The following DERA variants were observed in gnomAD, a reference collection of about 807,000 sequenced individuals.
DERA encodes the protein deoxyribose-phosphate aldolase, also known as 2-deoxy-D-ribose 5-phosphate aldolase.
DERA carries 15 observed loss-of-function variants against 41.1 expected under a neutral mutation model. That is an observed-to-expected ratio of 0.37 (90% CI 0.24 to 0.56). The LOEUF is 0.56. DERA is among the 20% of genes least tolerant of loss of function. The pLI is 0.81. For synonymous variants in DERA, 139 were observed against 137.4 expected (o/e 1.01, Z -0.08); for missense variants, 396 against 403.4 (o/e 0.98, Z 0.16).
intron 1 of DERA, among the ~76,000 whole-genome samples, chr12:15,930,761 CT>C (rs1171643065): frequency 8.5e-5 from 13 of 152,198 alleles, no homozygotes; most frequent in African/African-American, 3.1e-4. Context: ...GTTAACACCC[CT>C]CATAAGATAT....
intron 1 of DERA, among the ~76,000 whole-genome samples, chr12:15,948,495 A>G (rs1327137165): frequency 6.6e-6 from 1 of 152,248 alleles, no homozygotes; most frequent in African/African-American, 2.4e-5. Flanking sequence ...CGAATCAGCT[A>G]CTGAAGCTTG....
chr12:16,013,074 T>A lies in DERA; in HGVS notation c.638-19468T>A, dbSNP rs1001984724. On this transcript the variant is annotated intron_variant, in intron 6 of 8. Transcript: ENST00000428559. This position sits in a 1 kb window ranked among gnomAD's most constrained non-coding sequence, Gnocchi z 5.8. ...ATCAGTAGAGTCAGTGACTCCCAGT[T>A]GGCATCATTGAGCTGGTCCTAAAAG... 1.3e-5 allele frequency among the ~76,000 whole-genome samples: 2 copies of A among 152,204 alleles called. No homozygotes were observed. Among genetic ancestry groups the A allele is most frequent in the Non-Finnish European group, 1.5e-5 (1 of 68,034 alleles).
At position 16,036,569 on chromosome 12, in the gene DERA, C is replaced by G; in HGVS notation, c.901-121C>G. The G allele has an allele frequency of 1.0e-6, 1 of 1,001,716 alleles. No homozygotes were observed. Among genetic ancestry groups the G allele is most frequent in the East Asian group, 2.7e-5 (1 of 37,118 alleles). 62.1% of individuals were successfully genotyped at this position (1,001,716 alleles called of 1,614,324 possible). ...GGTGGAGATTCTGCTGAAGCACATACTAGTGAGGCTTTCTAATGAAATGTT... is the reference window on the plus strand; with the variant it reads ...GGTGGAGATTCTGCTGAAGCACATAGTAGTGAGGCTTTCTAATGAAATGTT... On this transcript the variant is annotated intron_variant, in intron 8 of 8. Coordinates refer to ENST00000428559, the MANE Select transcript of DERA (RefSeq NM_015954.4). The surrounding 1 kb of genome is among the most constrained non-coding windows in gnomAD (Gnocchi z 4.9).
At chr12:15,942,983 G>C (rs946205022) in intron 1 of DERA, among the ~76,000 whole-genome samples, 18 of 152,226 alleles carry the variant, frequency 1.2e-4, no homozygotes, top group African/African-American at 4.3e-4. Context: ...CTCAGCAGTA[G>C]TTGGACCATA....
chr12:16,029,741 C>A (rs1334119318), intron 6 of DERA, among the ~76,000 whole-genome samples: 1 of 151,948 alleles, frequency 6.6e-6, no homozygotes, highest in Non-Finnish European at 1.5e-5. Flanking sequence ...GTAGCTACTG[C>A]TGGGCTACTG....
chr12:16,013,782 C>T lies in DERA; in HGVS notation c.638-18760C>T, dbSNP rs1165585891. Among the ~76,000 whole-genome samples, 3 of 152,142 alleles carry T rather than the reference C, an allele frequency of 2.0e-5. No individual in the cohort carries two copies. The highest frequency in any genetic ancestry group is 6.5e-5 in the Admixed American group (1 of 15,278). On this transcript the variant is annotated intron_variant, in intron 6 of 8. Coordinates refer to ENST00000428559, the MANE Select transcript of DERA (RefSeq NM_015954.4). This position sits in a 1 kb window ranked among gnomAD's most constrained non-coding sequence, Gnocchi z 5.8. Reference sequence around the variant, plus strand: ...AAGATGTGGGAAAATTTGGAACTTCCTAGAGACTTGTTGAATGGTTTTGAC... The same window carrying T: ...AAGATGTGGGAAAATTTGGAACTTCTTAGAGACTTGTTGAATGGTTTTGAC...
intron 1 of DERA, among the ~76,000 whole-genome samples, chr12:15,920,641 T>C (rs1315749563): frequency 6.6e-6 from 1 of 151,958 alleles, no homozygotes; most frequent in East Asian, 1.9e-4. Flanking sequence ...GAGACCATCC[T>C]GGCCAACATG....
In DERA at chr12:15,913,183, A is replaced by G; in HGVS notation, c.31+1769A>G. On this transcript the variant is annotated intron_variant, in intron 1 of 8. Transcript: ENST00000428559. The surrounding 1 kb of genome is among the most constrained non-coding windows in gnomAD (Gnocchi z 4.5). ...TTATTTATTTGCAGTAATTAGAATCAATCACTTCCATTCATTTGTTGAAAA... is the reference window on the plus strand; with the variant it reads ...TTATTTATTTGCAGTAATTAGAATCGATCACTTCCATTCATTTGTTGAAAA... 6.6e-6 allele frequency among the ~76,000 whole-genome samples: 1 copy of G among 152,236 alleles called. No homozygotes were observed. The highest frequency in any genetic ancestry group is 1.9e-4 in the East Asian group (1 of 5,200).
chr12:15,968,821 C>T (rs901245248), intron 5 of DERA, among the ~76,000 whole-genome samples: 5 of 152,130 alleles, frequency 3.3e-5, no homozygotes, highest in African/African-American at 7.2e-5. Context: ...CCTCCTGCCC[C>T]GATGATGGTC....
rs547328995 is a variant in DERA, at chr12:15,943,062, C to T, written c.32-13874C>T. 2.4e-4 allele frequency among the ~76,000 whole-genome samples: 36 copies of T among 152,208 alleles called. No individual in the cohort carries two copies. The South Asian group carries it at 7.3e-3, about 31-fold the overall frequency. On this transcript the variant is annotated intron_variant, in intron 1 of 8. Coordinates refer to ENST00000428559, the MANE Select transcript of DERA (RefSeq NM_015954.4). This position sits in a 1 kb window ranked among gnomAD's most constrained non-coding sequence, Gnocchi z 4.5. The stretch of plus-strand genomic sequence containing the variant: ...ATAGAGTGGTTGGGGAGAGGGACAG[C>T]GATGTCACCCCTGACAGTGTGTTCT...
rs1181911752 is a variant in DERA, at chr12:15,996,434, G to T, written c.637+13998G>T. ...CCCTTCTTGCTTATTCTGGCTTCTG[G>T]TGTTTGCCAGCAATGCTTGACATAC... On this transcript the variant is annotated intron_variant, in intron 6 of 8. Coordinates refer to ENST00000428559, the MANE Select transcript of DERA (RefSeq NM_015954.4). The surrounding 1 kb of genome is among the most constrained non-coding windows in gnomAD (Gnocchi z 4.7). Among the ~76,000 whole-genome samples, 1 of 151,992 alleles carries T rather than the reference G, an allele frequency of 6.6e-6. No homozygotes were observed. Among genetic ancestry groups the T allele is most frequent in the Non-Finnish European group, 1.5e-5 (1 of 67,998 alleles).
intron 1 of DERA, among the ~76,000 whole-genome samples, chr12:15,914,244 T>C (rs998388937): frequency 6.6e-6 from 1 of 152,190 alleles, no homozygotes; most frequent in Middle Eastern, 3.4e-3. Context: ...TAGCTGGGCA[T>C]AGTGGCGCAT....
At position 15,911,350 on chromosome 12, in the gene DERA, C is replaced by T; in HGVS notation, c.-34C>T. The T allele has an allele frequency of 7.0e-7, 1 of 1,431,384 alleles. No homozygotes were observed. The allele number at this position is 1,431,384 out of a possible 1,614,324, so 88.7% of individuals were successfully genotyped here. ...GCCGGGCGCGGCGCAGAGGCGGGCG[C>T]CTACCAGCCGGCAGCTCCGGAGCTG... On this transcript the variant is annotated 5_prime_UTR_variant, in exon 1 of 9. Transcript: ENST00000428559. This position sits in a 1 kb window ranked among gnomAD's most constrained non-coding sequence, Gnocchi z 4.5.
In DERA at chr12:15,983,461, A is replaced by G. The variant is rs575559813; in HGVS notation, c.637+1025A>G. Among the ~76,000 whole-genome samples the G allele has an allele frequency of 3.9e-5, 6 of 152,060 alleles. No individual in the cohort carries two copies. Among genetic ancestry groups the G allele is most frequent in the Non-Finnish European group, 7.4e-5 (5 of 68,026 alleles). On this transcript the variant is annotated intron_variant, in intron 6 of 8. Coordinates refer to ENST00000428559, the MANE Select transcript of DERA (RefSeq NM_015954.4). This position sits in a 1 kb window ranked among gnomAD's most constrained non-coding sequence, Gnocchi z 6.2. ...TCCTGCCCGGAATGCCTTTTGCCCA[A>G]ATAACTCCACATCTTGGGGTTCAGC...
chr12:16,009,524 C>A lies in DERA; in HGVS notation c.638-23018C>A, dbSNP rs1158048781. ...GACAAACAACCAAATAAACAGATCT[C>A]CAGCATATGTTGACACTGTTCACTG... On this transcript the variant is annotated intron_variant, in intron 6 of 8. Transcript: ENST00000428559. The surrounding 1 kb of genome is among the most constrained non-coding windows in gnomAD (Gnocchi z 5.3). 5.3e-5 allele frequency among the ~76,000 whole-genome samples: 8 copies of A among 152,166 alleles called. No homozygotes were observed. Among genetic ancestry groups the A allele is most frequent in the Admixed American group, 3.9e-4 (6 of 15,276 alleles).
chr12:15,917,510 C>T (rs1479263495), intron 1 of DERA, among the ~76,000 whole-genome samples: 2 of 152,068 alleles, frequency 1.3e-5, no homozygotes, highest in African/African-American at 2.4e-5. Flanking sequence ...TTTTAATTCT[C>T]CCAGGAATCC....
rs1256610252 is a variant in DERA, at chr12:16,019,338, C to T, written c.638-13204C>T. Among the ~76,000 whole-genome samples the T allele has an allele frequency of 1.3e-5, 2 of 152,128 alleles. No homozygotes were observed. The highest frequency in any genetic ancestry group is 4.8e-5 in the African/African-American group (2 of 41,416). ...ATTTTTAATATCTTGTGGTCTCTGA[C>T]TCTCAATTGTCCTTTCTCAACACAT... On this transcript the variant is annotated intron_variant, in intron 6 of 8. Transcript: ENST00000428559. The surrounding 1 kb of genome is among the most constrained non-coding windows in gnomAD (Gnocchi z 4.4).
At position 15,991,145 on chromosome 12, in the gene DERA, C is replaced by T. The variant is rs181737850; in HGVS notation, c.637+8709C>T. ...TTATTTTTTGACTTCTTAATTTTAT[C>T]CATTCTGATTGGTGTGAGATGGTAT... On this transcript the variant is annotated intron_variant, in intron 6 of 8. Coordinates refer to ENST00000428559, the MANE Select transcript of DERA (RefSeq NM_015954.4). Among the ~76,000 whole-genome samples the T allele has an allele frequency of 5.9e-5, 9 of 152,244 alleles. No individual in the cohort carries two copies. The East Asian group carries it at 1.7e-3, about 29-fold the overall frequency.
At chr12:16,023,336 G>A (rs1018939225) in intron 6 of DERA, among the ~76,000 whole-genome samples, 80 of 152,188 alleles carry the variant, frequency 5.3e-4, no homozygotes, top group African/African-American at 1.9e-3. Context: ...CTTAAACACA[G>A]CCCAACTCCT....
Sources: allele counts gnomAD v4.1 joint callset (sites outside exome capture counted in the v4.1 genomes callset), GRCh38; gene constraint gnomAD v4.1.1; non-coding constraint Gnocchi (gnomAD v3.1); transcripts MANE v1.5; gene names NCBI Gene and HGNC (gene_info 2026-07-23, HGNC 2026-07-21).